The following KCNH8 variants were observed in gnomAD, a reference collection of about 807,000 sequenced individuals.
KCNH8 encodes the protein potassium voltage-gated channel subfamily H member 8, also known as voltage-gated delayed rectifier potassium channel KCNH8.
Under a neutral mutation model 103.6 loss-of-function variants are expected in KCNH8, and 70 were observed. That is an observed-to-expected ratio of 0.68 (90% CI 0.56 to 0.82). The LOEUF (loss-of-function observed/expected upper bound fraction) is 0.82, where lower values mean the gene tolerates loss of function less well. Among genes scored for constraint, KCNH8 ranks in the 40% least tolerant of loss-of-function variants. The pLI is 0.00. For synonymous variants in KCNH8, 498 were observed against 489.4 expected, an observed-to-expected ratio of 1.02 and a Z score of -0.23; for missense variants, 1,217 against 1,329.9, an observed-to-expected ratio of 0.92 and a Z score of 1.32.
At chr3:19,316,342 G>A (rs765666966) in intron 3 of KCNH8, among the ~76,000 whole-genome samples, 3 of 151,828 alleles carry the variant, frequency 2.0e-5, no homozygotes, top group South Asian at 2.1e-4. Context: ...GACATTGTCA[G>A]ATATCCCCTT....
intron 5 of KCNH8, among the ~76,000 whole-genome samples, chr3:19,379,908 C>CA (rs1278799441): frequency 1.3e-5 from 2 of 151,816 alleles, no homozygotes; most frequent in Admixed American, 1.3e-4. Context: ...CTAGGAGAAA[C>CA]AAAAAAACAG....
intron 1 of KCNH8, among the ~76,000 whole-genome samples, chr3:19,182,579 C>CT (rs1461752567): frequency 6.6e-6 from 1 of 152,150 alleles, no homozygotes; most frequent in Non-Finnish European, 1.5e-5. Context: ...AAGCTTTCAG[C>CT]TTTTTTTCCT....
intron 15 of KCNH8, among the ~76,000 whole-genome samples, chr3:19,532,977 G>A (rs2069190285): frequency 6.6e-6 from 1 of 152,052 alleles, no homozygotes; most frequent in Non-Finnish European, 1.5e-5. Flanking sequence ...GGCCGAGGAG[G>A]GCGGATCACG....
chr3:19,264,108 C>A (rs988808371), intron 2 of KCNH8, among the ~76,000 whole-genome samples: 6 of 151,992 alleles, frequency 3.9e-5, no homozygotes, highest in African/African-American at 1.4e-4. Flanking sequence ...TATGAAGATT[C>A]TCCAATATAT....
At chr3:19,156,411 T>G (rs1050364432) in intron 1 of KCNH8, among the ~76,000 whole-genome samples, 2 of 152,228 alleles carry the variant, frequency 1.3e-5, no homozygotes, top group African/African-American at 4.8e-5. Flanking sequence ...GTATCGTTTC[T>G]AGTTTCTAGC....
rs1375715096 is a variant in KCNH8 at position 19,170,804 on chromosome 3, A to ATTTTTT, written c.76+22010_76+22011insTTTTTT. On this transcript the variant is annotated intron_variant, in intron 1 of 15. Transcript: ENST00000328405. ...CACACACACACATATATATATATAT[A>ATTTTTT]TATATATTTTTTTTTTTTTTTTTGA... Among the ~76,000 whole-genome samples, 18 of 103,362 alleles carry ATTTTTT rather than the reference A, an allele frequency of 1.7e-4. 2 individuals are homozygous for ATTTTTT. The highest frequency in any genetic ancestry group is 7.5e-4 in the African/African-American group (15 of 20,040). The allele number at this position is 103,362 out of a possible 152,430, so 67.8% of individuals were successfully genotyped here. A position where few individuals can be genotyped will look rare whatever the true frequency, so the allele number is the denominator to read the frequency against.
intron 3 of KCNH8, among the ~76,000 whole-genome samples, chr3:19,290,720 T>C (rs1172492592): frequency 6.6e-6 from 1 of 152,202 alleles, no homozygotes; most frequent in Non-Finnish European, 1.5e-5. Context: ...TTTTTGGTTG[T>C]TTCTCTGCCC....
rs1575494910 is a variant in KCNH8, at chr3:19,284,642, A to C, written c.442+3313A>C. ...TTAAAACTACCTTCTTTTTTGGCAC[A>C]TAGTTTACTTCTATTCCAAAAATAG... is the stretch of plus-strand genomic sequence containing the variant. On this transcript the variant is annotated intron_variant, in intron 3 of 15. Coordinates refer to ENST00000328405, the MANE Select transcript of KCNH8 (RefSeq NM_144633.3). Among the ~76,000 whole-genome samples the C allele has an allele frequency of 3.3e-5, 5 of 152,028 alleles. No individual in the cohort carries two copies. In the South Asian group the frequency reaches 1.0e-3, roughly 32 times the overall value.
chr3:19,475,376 A>G (rs938215169), intron 11 of KCNH8, among the ~76,000 whole-genome samples: 1 of 152,180 alleles, frequency 6.6e-6, no homozygotes, highest in African/African-American at 2.4e-5. Flanking sequence ...CGTTTTTACA[A>G]AGAGAAGCTC....
intron 3 of KCNH8, among the ~76,000 whole-genome samples, chr3:19,319,247 T>G (rs975989406): frequency 1.3e-5 from 2 of 152,104 alleles, no homozygotes; most frequent in African/African-American, 4.8e-5. Context: ...CCTAAGCCAA[T>G]GTCTAGAAGA....
At chr3:19,207,034 C>T (rs529823918) in intron 1 of KCNH8, among the ~76,000 whole-genome samples, 2 of 151,928 alleles carry the variant, frequency 1.3e-5, no homozygotes, top group Admixed American at 1.3e-4. Flanking sequence ...AAATGCATAC[C>T]TGAAACTCCA....
At chr3:19,338,083 T>A (rs1257802820) in intron 3 of KCNH8, among the ~76,000 whole-genome samples, 2 of 152,038 alleles carry the variant, frequency 1.3e-5, no homozygotes. Flanking sequence ...AATTTAGGCT[T>A]TTTTATTTGT....
chr3:19,438,614 C>T (rs1244328704), intron 8 of KCNH8, among the ~76,000 whole-genome samples: 1 of 152,124 alleles, frequency 6.6e-6, no homozygotes, highest in Admixed American at 6.5e-5. Context: ...TGGGGCTCCT[C>T]TTATGTAGAA....
chr3:19,193,382 T>G (rs1027237657), intron 1 of KCNH8, among the ~76,000 whole-genome samples: 4 of 151,670 alleles, frequency 2.6e-5, no homozygotes, highest in African/African-American at 9.7e-5. Context: ...TGCCATTCTC[T>G]CCCTTTTCTC....
At chr3:19,501,870 C>T (rs2068591187) in intron 11 of KCNH8, among the ~76,000 whole-genome samples, 1 of 152,116 alleles carries the variant, frequency 6.6e-6, no homozygotes, top group South Asian at 2.1e-4. Context: ...TGGCACAAGA[C>T]AGGGATGCCC....
At chr3:19,527,921 C>T (rs1209918361) in intron 15 of KCNH8, among the ~76,000 whole-genome samples, 2 of 152,054 alleles carry the variant, frequency 1.3e-5, no homozygotes, top group Non-Finnish European at 2.9e-5. Flanking sequence ...CTTGGAAGCA[C>T]AGATGGTGTT....
intron 11 of KCNH8, among the ~76,000 whole-genome samples, chr3:19,469,201 A>G (rs944201922): frequency 6.6e-6 from 1 of 152,182 alleles, no homozygotes; most frequent in African/African-American, 2.4e-5. Context: ...AAGGACTCAC[A>G]TGTCATTTTA....
Position 19,491,810 on chromosome 3 carries a change from C to A in KCNH8, c.2041-18553C>A, listed in dbSNP as rs542558353. Among the ~76,000 whole-genome samples, 23 of 152,300 alleles carry A rather than the reference C, an allele frequency of 1.5e-4. No homozygotes were observed. The South Asian group carries it at 4.6e-3, about 30-fold the overall frequency. ...ATTTACATTCCCAGCAACAGCTTTT[C>A]CTTTTCTCCACAGCTTTGCCAGCAT... On this transcript the variant is annotated intron_variant, in intron 11 of 15. Transcript: ENST00000328405.
intron 1 of KCNH8, among the ~76,000 whole-genome samples, chr3:19,197,921 A>G (rs1382594397): frequency 6.6e-6 from 1 of 152,070 alleles, no homozygotes; most frequent in Non-Finnish European, 1.5e-5. Context: ...CTGATGCGTA[A>G]TCACTGGGTA....
Sources: allele counts gnomAD v4.1 joint callset (sites outside exome capture counted in the v4.1 genomes callset), GRCh38; gene constraint gnomAD v4.1.1; transcripts MANE v1.5; gene names NCBI Gene and HGNC (gene_info 2026-07-23, HGNC 2026-07-21).